PRKN: variants seen among roughly 807,000 people sequenced by gnomAD.
The protein encoded by PRKN is parkin RBR E3 ubiquitin protein ligase, also known as E3 ubiquitin-protein ligase parkin.
PRKN carries 56 observed loss-of-function variants against 59.5 expected under a neutral mutation model. That is an observed-to-expected ratio of 0.94 (90% CI 0.76 to 1.18). The LOEUF (loss-of-function observed/expected upper bound fraction) is 1.18. Among genes scored for constraint, PRKN ranks in the 50% most tolerant of loss-of-function variants. PRKN has a pLI of 0.00. For missense variants in PRKN, 657 were observed against 596.4 expected, an observed-to-expected ratio of 1.10 and a Z score of -1.06; for synonymous variants, 250 against 222.1, an observed-to-expected ratio of 1.13 and a Z score of -1.12.
chr6:162,516,466 T>C (rs1189312271), intron 1 of PRKN, among the ~76,000 whole-genome samples: 1 of 152,122 alleles, frequency 6.6e-6, no homozygotes, highest in African/African-American at 2.4e-5. Flanking sequence ...TTGAAAACAT[T>C]TCTGGCCAGG....
intron 4 of PRKN, among the ~76,000 whole-genome samples, chr6:162,075,208 T>C (rs1778768759): frequency 6.6e-6 from 1 of 152,198 alleles, no homozygotes; most frequent in South Asian, 2.1e-4. Context: ...GTAAATCTAT[T>C]TGAATAATAT....
At chr6:162,459,489 T>C (rs2056906) in intron 1 of PRKN, among the ~76,000 whole-genome samples, 44 of 152,274 alleles carry the variant, frequency 2.9e-4, no homozygotes, top group African/African-American at 8.4e-4. Flanking sequence ...TACAATTTTA[T>C]CCTTAATCTT....
chr6:162,320,180 T>C (rs1239748326), intron 2 of PRKN, among the ~76,000 whole-genome samples: 3 of 151,740 alleles, frequency 2.0e-5, no homozygotes, highest in Non-Finnish European at 4.4e-5. Context: ...TTATTGTGTA[T>C]ATCTGCCAGT....
chr6:162,338,911 C>T (rs1303305098), intron 2 of PRKN, among the ~76,000 whole-genome samples: 1 of 150,880 alleles, frequency 6.6e-6, no homozygotes, highest in Non-Finnish European at 1.5e-5. Context: ...GCCGCCCCAT[C>T]TGGGATGTGA....
intron 4 of PRKN, among the ~76,000 whole-genome samples, chr6:162,091,041 T>C (rs1779473686): frequency 6.6e-6 from 1 of 152,200 alleles, no homozygotes; most frequent in South Asian, 2.1e-4. Flanking sequence ...TTGGGACCTC[T>C]TGAAATATCA....
intron 6 of PRKN, among the ~76,000 whole-genome samples, chr6:161,953,575 C>G (rs572103921): frequency 1.3e-5 from 2 of 152,292 alleles, no homozygotes; most frequent in East Asian, 3.9e-4. Context: ...AATGGCCCAA[C>G]AGCTAGCAGC....
At chr6:162,073,041 G>A (rs1582991625) in intron 4 of PRKN, among the ~76,000 whole-genome samples, 1 of 152,308 alleles carries the variant, frequency 6.6e-6, no homozygotes, top group Middle Eastern at 3.4e-3. Context: ...TATCTTATCT[G>A]TAAAGTGTGG....
At chr6:161,848,973 G>T (rs564579170) in intron 6 of PRKN, among the ~76,000 whole-genome samples, 2 of 152,118 alleles carry the variant, frequency 1.3e-5, no homozygotes, top group Non-Finnish European at 2.9e-5. Context: ...GGCAGGGACT[G>T]GTTTCTGAGG....
chr6:162,129,160 T>C (rs1049127350), intron 4 of PRKN, among the ~76,000 whole-genome samples: 1 of 152,206 alleles, frequency 6.6e-6, no homozygotes, highest in African/African-American at 2.4e-5. Context: ...CCTGATCAGA[T>C]TTTATCAGAA....
chr6:162,239,113 C>T (rs1383670791), intron 3 of PRKN, among the ~76,000 whole-genome samples: 1 of 152,122 alleles, frequency 6.6e-6, no homozygotes, highest in Admixed American at 6.6e-5. Flanking sequence ...TTAGATAAAT[C>T]ACTGAATACA....
chr6:161,951,993 G>T (rs531431097), intron 6 of PRKN, among the ~76,000 whole-genome samples: 1 of 150,760 alleles, frequency 6.6e-6, no homozygotes, highest in East Asian at 1.9e-4. Flanking sequence ...ACAAACACAA[G>T]CCCATAATCC....
chr6:162,002,354 G>A (rs1782091209), intron 5 of PRKN, among the ~76,000 whole-genome samples: 1 of 151,994 alleles, frequency 6.6e-6, no homozygotes, highest in East Asian at 1.9e-4. Flanking sequence ...ATTCTTTTCA[G>A]ACTGTCTATT....
intron 1 of PRKN, among the ~76,000 whole-genome samples, chr6:162,583,917 G>T (rs1488424718): frequency 1.3e-5 from 2 of 152,096 alleles, no homozygotes; most frequent in African/African-American, 4.8e-5. Context: ...CAGTTTACTG[G>T]CTAAGACTGA....
At chr6:162,032,123 CA>C (rs1316570025) in intron 5 of PRKN, among the ~76,000 whole-genome samples, 1 of 152,126 alleles carries the variant, frequency 6.6e-6, no homozygotes, top group Non-Finnish European at 1.5e-5. Flanking sequence ...TAGCCGACAG[CA>C]CAAGCAGCGC....
At position 161,549,267 on chromosome 6, in the gene PRKN, A is replaced by G. The variant is rs1779914300; in HGVS notation, c.934-264T>C. On this transcript the variant is annotated intron_variant, in intron 8 of 11. Transcript: ENST00000366898. The surrounding 1 kb of genome is among the most constrained non-coding windows in gnomAD (Gnocchi z 6.0). ...TACTTTTTGCTTTTTTGTCTTCAGA[A>G]AATAGATTTTCCAAAGTTTTGTATT... 6.6e-6 allele frequency among the ~76,000 whole-genome samples: 1 copy of G among 152,222 alleles called. No individual in the cohort carries two copies. The highest frequency in any genetic ancestry group is 1.9e-4 in the East Asian group (1 of 5,200).
intron 9 of PRKN, among the ~76,000 whole-genome samples, chr6:161,416,746 A>G (rs1048122442): frequency 3.9e-5 from 6 of 152,302 alleles, no homozygotes; most frequent in African/African-American, 1.4e-4. Context: ...GGTTCTGACC[A>G]TAAGACAAAG....
rs1784780776 is a variant in PRKN, at chr6:161,356,908, G to A, written c.1285+3180C>T. ...CATCAGTATGTGGATAGTATTTAAG[G>A]CCACAAGACTGGGCTGTATGTTATG... On this transcript the variant is annotated intron_variant, in intron 11 of 11. Transcript: ENST00000366898. The surrounding 1 kb of genome is among the most constrained non-coding windows in gnomAD (Gnocchi z 7.8). 6.6e-6 allele frequency among the ~76,000 whole-genome samples: 1 copy of A among 151,972 alleles called. No individual in the cohort carries two copies. The highest frequency in any genetic ancestry group is 2.1e-4 in the South Asian group (1 of 4,808).
intron 1 of PRKN, among the ~76,000 whole-genome samples, chr6:162,554,743 C>T (rs1013355392): frequency 6.6e-6 from 1 of 151,964 alleles, no homozygotes; most frequent in African/African-American, 2.4e-5. Flanking sequence ...ATGGCCTTGC[C>T]GGAGCCAGGC....
intron 4 of PRKN, among the ~76,000 whole-genome samples, chr6:162,198,768 C>T (rs1177011861): frequency 6.6e-6 from 1 of 151,920 alleles, no homozygotes; most frequent in African/African-American, 2.4e-5. Context: ...CTTAGGCTCA[C>T]AGGTCATCAC....
Sources: gnomAD v4.1 joint callset for allele counts (sites outside exome capture counted in the v4.1 genomes callset) on GRCh38, gnomAD v4.1.1 for gene constraint, Gnocchi (gnomAD v3.1) non-coding constraint, MANE v1.5 for transcripts, NCBI Gene and HGNC (gene_info 2026-07-23, HGNC 2026-07-21) for gene names.